Variants in BMPR2 observed in about 807,000 individuals in gnomAD.
BMPR2 encodes the protein bone morphogenetic protein receptor type 2, also known as bone morphogenetic protein receptor type-2.
Under a neutral mutation model 100.8 loss-of-function variants are expected in BMPR2, and 29 were observed. The ratio of observed to expected loss-of-function variants is 0.29; its 90% confidence interval spans 0.21 to 0.39. BMPR2 has a LOEUF of 0.39. Among genes scored for constraint, BMPR2 ranks in the 10% least tolerant of loss-of-function variants. The pLI is 1.00. For synonymous variants in BMPR2, 382 were observed against 442.3 expected (o/e 0.86, Z 1.71); for missense variants, 1,011 against 1,274.5 (o/e 0.79, Z 3.15).
chr2:202,406,124 T>C (rs560895991), intron 1 of BMPR2, among the ~76,000 whole-genome samples: 2 of 152,242 alleles, frequency 1.3e-5, no homozygotes, highest in Non-Finnish European at 2.9e-5. Context: ...AAAGGAATTA[T>C]GGGTGGCCCT....
chr2:202,472,607 C>T (rs1028242849), intron 3 of BMPR2, among the ~76,000 whole-genome samples: 4 of 152,138 alleles, frequency 2.6e-5, no homozygotes, highest in Admixed American at 6.5e-5. Flanking sequence ...TGCAGTGAGC[C>T]GAGATTGCAC....
intron 3 of BMPR2, among the ~76,000 whole-genome samples, chr2:202,511,910 A>C (rs1325121452): frequency 6.6e-6 from 1 of 151,828 alleles, no homozygotes; most frequent in Non-Finnish European, 1.5e-5. Context: ...AATCCCAGCA[A>C]CTCAGGAGGC....
chr2:202,485,325 A>T (rs1175555797), intron 3 of BMPR2, among the ~76,000 whole-genome samples: 1 of 151,982 alleles, frequency 6.6e-6, no homozygotes, highest in Non-Finnish European at 1.5e-5. Flanking sequence ...GTTCTTGGAC[A>T]GCTTTGGAGG....
rs1390992385 is a variant in BMPR2, at chr2:202,532,287, A to G, written c.1129-298A>G. Among the ~76,000 whole-genome samples the G allele has an allele frequency of 6.6e-6, 1 of 152,072 alleles. No individual in the cohort carries two copies. The highest frequency in any genetic ancestry group is 1.5e-5 in the Non-Finnish European group (1 of 68,014). ...TTTTAAAAAATATTAAGTTGTATAC[A>G]TATTGTTTTGCAATTTTCTCACTGT... On this transcript the variant is annotated intron_variant, in intron 8 of 12. Coordinates refer to ENST00000374580, the MANE Select transcript of BMPR2 (RefSeq NM_001204.7). This position sits in a 1 kb window ranked among gnomAD's most constrained non-coding sequence, Gnocchi z 4.1.
chr2:202,409,851 A>G (rs540099011), intron 1 of BMPR2, among the ~76,000 whole-genome samples: 5 of 149,062 alleles, frequency 3.4e-5, no homozygotes, highest in East Asian at 3.9e-4. Flanking sequence ...CTTTATATAT[A>G]TACTTAACAG....
At chr2:202,456,277 T>C (rs1198033251) in intron 1 of BMPR2, among the ~76,000 whole-genome samples, 2 of 150,444 alleles carry the variant, frequency 1.3e-5, no homozygotes, top group Non-Finnish European at 3.0e-5. Flanking sequence ...GTTCAAATGA[T>C]TCGCCTGCCT....
At chr2:202,385,382 T>C (rs1168841641) in intron 1 of BMPR2, among the ~76,000 whole-genome samples, 4 of 148,286 alleles carry the variant, frequency 2.7e-5, no homozygotes, top group Non-Finnish European at 4.5e-5. Flanking sequence ...TTTTTTTTTT[T>C]TGAGACGGAG....
At chr2:202,487,704 TAAGA>T (rs2105979036) in intron 3 of BMPR2, among the ~76,000 whole-genome samples, 1 of 152,332 alleles carries the variant, frequency 6.6e-6, no homozygotes, top group East Asian at 1.9e-4. Context: ...CTAGTTTATG[TAAGA>T]AAGGACAGCA....
In BMPR2 at chr2:202,395,326, C is replaced by G. The variant is rs139606805; in HGVS notation, c.76+17776C>G. On this transcript the variant is annotated intron_variant, in intron 1 of 12. Transcript: ENST00000374580. ...CAAGGTAGGACAAGTCGATTAATAT[C>G]TTTACACCAATTGTGTATAAGGAAT... 4.6e-5 allele frequency among the ~76,000 whole-genome samples: 7 copies of G among 152,290 alleles called. No individual in the cohort carries two copies. In the East Asian group the frequency reaches 1.3e-3, roughly 29 times the overall value.
chr2:202,436,742 A>G (rs1199656700), intron 1 of BMPR2, among the ~76,000 whole-genome samples: 1 of 150,510 alleles, frequency 6.6e-6, no homozygotes, highest in Admixed American at 6.6e-5. Context: ...ATGTGGTCCT[A>G]TTCCTAGAAA....
intron 1 of BMPR2, among the ~76,000 whole-genome samples, chr2:202,378,625 C>T (rs1690207132): frequency 6.6e-6 from 1 of 152,040 alleles, no homozygotes; most frequent in African/African-American, 2.4e-5. Context: ...TATGCTTTTG[C>T]TATTGTTGAA....
chr2:202,447,750 C>T (rs1691881529), intron 1 of BMPR2, among the ~76,000 whole-genome samples: 1 of 150,562 alleles, frequency 6.6e-6, no homozygotes, highest in Non-Finnish European at 1.5e-5. Context: ...AGTAAGTACA[C>T]TTATACATAT....
chr2:202,431,033 T>A (rs1224860582), intron 1 of BMPR2, among the ~76,000 whole-genome samples: 1 of 150,342 alleles, frequency 6.7e-6, no homozygotes, highest in Non-Finnish European at 1.5e-5. Flanking sequence ...TTAGAAAGAA[T>A]TGGGATTTTT....
intron 3 of BMPR2, among the ~76,000 whole-genome samples, chr2:202,506,564 C>T (rs574505640): frequency 4.6e-5 from 7 of 152,212 alleles, no homozygotes; most frequent in South Asian, 2.1e-4. Flanking sequence ...TATACTGTCA[C>T]GTTGGGGATT....
intron 1 of BMPR2, among the ~76,000 whole-genome samples, chr2:202,439,284 A>G (rs1691682148): frequency 6.7e-6 from 1 of 149,856 alleles, no homozygotes; most frequent in South Asian, 2.1e-4. Flanking sequence ...GTGTACAGAA[A>G]TACAATTGAT....
chr2:202,542,584 T>C, intron 10 of BMPR2, 137 bp downstream of exon 10: 2 of 1,148,004 alleles, frequency 1.7e-6, no homozygotes, highest in South Asian at 3.0e-5. Context: ...TTGATTTTTA[T>C]GATGTTTTCA....
Position 202,379,009 on chromosome 2 carries a change from A to G in BMPR2, c.76+1459A>G, listed in dbSNP as rs532854593. ...CAGAACTGATAAAAGTAAGAGAAAA[A>G]GCATTTATTTAAAAATAAACTTAAT... On this transcript the variant is annotated intron_variant, in intron 1 of 12. Transcript: ENST00000374580. Among the ~76,000 whole-genome samples, 18 of 152,350 alleles carry G rather than the reference A, an allele frequency of 1.2e-4. No homozygotes were observed. In the South Asian group the frequency reaches 3.7e-3, roughly 32 times the overall value.
intron 1 of BMPR2, among the ~76,000 whole-genome samples, chr2:202,418,017 C>T (rs1348783227): frequency 6.6e-6 from 1 of 152,068 alleles, no homozygotes; most frequent in African/African-American, 2.4e-5. Context: ...CGTGCCTGGC[C>T]CGTCATGTTT....
In BMPR2 at chr2:202,562,173, A is replaced by G. The variant is rs1253435493; in HGVS notation, c.*2227A>G. On this transcript the variant is annotated 3_prime_UTR_variant, in exon 13 of 13. Coordinates refer to ENST00000374580, the MANE Select transcript of BMPR2 (RefSeq NM_001204.7). ...CTCCAATTTGAAGCATTGAGGATAA[A>G]TGACCATTTGAGGTCTAACTGATCT... The G allele has an allele frequency of 6.6e-6, 1 of 152,354 alleles. No homozygotes were observed. The highest frequency in any genetic ancestry group is 1.5e-5 in the Non-Finnish European group (1 of 68,008). 9.4% of individuals were successfully genotyped at this position (152,354 alleles called of 1,614,324 possible).
Sources: allele counts gnomAD v4.1 joint callset (sites outside exome capture counted in the v4.1 genomes callset), GRCh38; gene constraint gnomAD v4.1.1; non-coding constraint Gnocchi (gnomAD v3.1); transcripts MANE v1.5; gene names NCBI Gene and HGNC (gene_info 2026-07-23, HGNC 2026-07-21).